The following PTPRN2 variants were observed in gnomAD, a reference collection of about 807,000 sequenced individuals.
PTPRN2 encodes the protein receptor-type tyrosine-protein phosphatase N2.
In PTPRN2, 74 loss-of-function variants were observed where a neutral mutation model predicts 118.8. The observed-to-expected ratio is 0.62, with a 90% CI of 0.52 to 0.76. The LOEUF (loss-of-function observed/expected upper bound fraction) is 0.76. PTPRN2 is among the 30% of genes least tolerant of loss of function. The pLI, the probability that PTPRN2 is intolerant of heterozygous loss-of-function variation, is 0.00. For missense variants in PTPRN2, 1,481 were observed against 1,394.4 expected (o/e 1.06, Z -0.99); for synonymous variants, 641 against 608.0 (o/e 1.05, Z -0.80).
At chr7:158,059,599 A>G (rs1173936061) in intron 11 of PTPRN2, among the ~76,000 whole-genome samples, 1 of 102,656 alleles carries the variant, frequency 9.7e-6, no homozygotes, top group Admixed American at 9.4e-5. Flanking sequence ...CTGCAGCCAC[A>G]CTCCATCTGC....
chr7:158,232,042 T>G (rs1342925931), intron 3 of PTPRN2, among the ~76,000 whole-genome samples: 1 of 151,724 alleles, frequency 6.6e-6, no homozygotes, highest in Non-Finnish European at 1.5e-5. Context: ...AACCTAACCA[T>G]GCACCTCAAG....
intron 2 of PTPRN2, among the ~76,000 whole-genome samples, chr7:158,341,162 C>T (rs1233189642): frequency 1.1e-4 from 16 of 150,034 alleles, no homozygotes; most frequent in South Asian, 2.1e-4. Context: ...CTGACGCCCG[C>T]AGACGTCACT....
chr7:157,927,484 A>G (rs1387271205), intron 11 of PTPRN2, among the ~76,000 whole-genome samples: 3 of 103,534 alleles, frequency 2.9e-5, no homozygotes, highest in African/African-American at 5.1e-5. Context: ...CAGAGACCTC[A>G]CATCTGCTGG....
At chr7:158,513,326 C>G (rs1216797171) in intron 1 of PTPRN2, among the ~76,000 whole-genome samples, 2 of 152,152 alleles carry the variant, frequency 1.3e-5, no homozygotes. Context: ...CAAGGAAAGT[C>G]TGAGAAAATG....
intron 1 of PTPRN2, among the ~76,000 whole-genome samples, chr7:158,578,451 C>G (rs1026945361): frequency 6.8e-6 from 1 of 147,962 alleles, no homozygotes; most frequent in African/African-American, 2.5e-5. Flanking sequence ...GGGAGAAACA[C>G]TTGAGCCCAG....
intron 14 of PTPRN2, among the ~76,000 whole-genome samples, chr7:157,639,868 A>G (rs1039073931): frequency 1.1e-4 from 16 of 152,352 alleles, no homozygotes; most frequent in African/African-American, 1.7e-4. Flanking sequence ...CGCTTGAAAC[A>G]TGGGCCTCAT....
chr7:157,786,985 T>C (rs1488332288), intron 12 of PTPRN2, among the ~76,000 whole-genome samples: 1 of 151,820 alleles, frequency 6.6e-6, no homozygotes, highest in Non-Finnish European at 1.5e-5. Flanking sequence ...AGGAAGCCAC[T>C]GAGCCTGGGA....
chr7:157,646,508 G>T (rs1805082992), intron 14 of PTPRN2, among the ~76,000 whole-genome samples: 1 of 152,104 alleles, frequency 6.6e-6, no homozygotes, highest in African/African-American at 2.4e-5. Context: ...TTTTCTTTAT[G>T]AATTACCCAG....
chr7:157,604,224 C>G, intron 15 of PTPRN2, 149 bp from the exon 16 acceptor site: 1 of 713,166 alleles, frequency 1.4e-6, no homozygotes, highest in Non-Finnish European at 2.3e-6. Flanking sequence ...GACTCCCAAA[C>G]AGCCTCCAGG....
intron 1 of PTPRN2, among the ~76,000 whole-genome samples, chr7:158,584,427 CT>C (rs1217315189): frequency 6.6e-6 from 1 of 152,172 alleles, no homozygotes; most frequent in Non-Finnish European, 1.5e-5. Context: ...AACTCAAAGA[CT>C]GAAGCATATG....
intron 12 of PTPRN2, among the ~76,000 whole-genome samples, chr7:157,879,179 C>A (rs527917309): frequency 6.8e-6 from 1 of 146,142 alleles, no homozygotes; most frequent in South Asian, 2.2e-4. Context: ...TGCACCCACA[C>A]TTACTCACCG....
At chr7:157,656,716 C>T (rs190722763) in intron 13 of PTPRN2, among the ~76,000 whole-genome samples, 165 bp from the exon 14 acceptor site, 3 of 152,184 alleles carry the variant, frequency 2.0e-5, no homozygotes, top group East Asian at 1.9e-4. Context: ...TGACGGTCAA[C>T]GCACCCCAAA....
chr7:158,057,628 G>A (rs978458842), intron 11 of PTPRN2, among the ~76,000 whole-genome samples: 1 of 152,172 alleles, frequency 6.6e-6, no homozygotes, highest in African/African-American at 2.4e-5. Flanking sequence ...CCTGAGCAAA[G>A]GGAAGTGGGT....
intron 2 of PTPRN2, among the ~76,000 whole-genome samples, chr7:158,324,351 T>C (rs574512984): frequency 6.6e-6 from 1 of 152,266 alleles, no homozygotes; most frequent in African/African-American, 2.4e-5. Flanking sequence ...ACTGGTATTT[T>C]CCCATTTGTC....
chr7:157,759,010 TA>T (rs1444863737), intron 12 of PTPRN2, among the ~76,000 whole-genome samples: 1 of 152,244 alleles, frequency 6.6e-6, no homozygotes, highest in Non-Finnish European at 1.5e-5. Context: ...CTTTCCAAGT[TA>T]CACAAGTCAC....
intron 12 of PTPRN2, among the ~76,000 whole-genome samples, chr7:157,732,097 C>T (rs1351106178): frequency 1.1e-5 from 1 of 88,026 alleles, no homozygotes. Flanking sequence ...TACCCTTTCC[C>T]GTCCCACGCG....
At position 158,012,056 on chromosome 7, in the gene PTPRN2, C is replaced by A. The variant is rs4716878; in HGVS notation, c.1723+69242G>T. ...CTTTTCTGAATGTGGATGAAGCTGC[C>A]CCGATCCCGAGTTTGTAGGAGAGCC... On this transcript the variant is annotated intron_variant, in intron 11 of 22. Transcript: ENST00000389418. Among the ~76,000 whole-genome samples the A allele has an allele frequency of 2.5e-3, 373 of 152,178 alleles. 2 individuals are homozygous for A. Among genetic ancestry groups the A allele is most frequent in the African/African-American group, 8.5e-3 (353 of 41,512 alleles).
intron 12 of PTPRN2, among the ~76,000 whole-genome samples, chr7:157,751,723 A>G (rs1489071486): frequency 6.6e-6 from 1 of 152,052 alleles, no homozygotes; most frequent in African/African-American, 2.4e-5. Context: ...ATCAAGGCTG[A>G]TGGAGCCGCG....
At chr7:157,956,041 G>A (rs779119949) in intron 11 of PTPRN2, among the ~76,000 whole-genome samples, 38 of 152,214 alleles carry the variant, frequency 2.5e-4, no homozygotes, top group Admixed American at 1.6e-3. Context: ...CAGGCCATTC[G>A]TGTGCTGCTG....
Sources: allele counts gnomAD v4.1 joint callset (sites outside exome capture counted in the v4.1 genomes callset), GRCh38; gene constraint gnomAD v4.1.1; transcripts MANE v1.5; gene names NCBI Gene and HGNC (gene_info 2026-07-23, HGNC 2026-07-21).